The following ZNF407 variants were observed in gnomAD, a reference collection of about 807,000 sequenced individuals.
ZNF407 encodes the protein zinc finger protein 407.
In ZNF407, 17 loss-of-function variants were observed where a neutral mutation model predicts 131.2. That is an observed-to-expected ratio of 0.13 (90% CI 0.09 to 0.19). The LOEUF is 0.19. ZNF407 is among the 10% of genes least tolerant of loss of function. The probability of loss-of-function intolerance (pLI) is 1.00; values close to 1 mark genes in which losing one functional copy is unlikely to be tolerated. For missense variants in ZNF407, 2,681 were observed against 2,830.6 expected (o/e 0.95, Z 1.20); for synonymous variants, 1,156 against 1,062.0 (o/e 1.09, Z -1.72).
intron 8 of ZNF407, among the ~76,000 whole-genome samples, chr18:75,010,701 G>T (rs192375151): frequency 3.3e-5 from 5 of 152,240 alleles, no homozygotes; most frequent in Admixed American, 3.3e-4. Context: ...AACAACTCCT[G>T]CCGTTGTCTT....
At chr18:74,755,770 T>TTTCTTTCTTTCTTTCTTTCTTTCC (rs1968935432) in intron 3 of ZNF407, among the ~76,000 whole-genome samples, 1 of 129,956 alleles carries the variant, frequency 7.7e-6, no homozygotes, top group Admixed American at 7.4e-5. Context: ...TCTTTCTTTC[T>TTTCTTTCTTTCTTTCTTTCTTTCC]TTCTCTCTCT....
chr18:74,971,662 T>C lies in ZNF407; in HGVS notation c.5428+50970T>C, dbSNP rs148218897. Among the ~76,000 whole-genome samples, 227 of 152,330 alleles carry C rather than the reference T, an allele frequency of 1.5e-3. 1 individual carries two copies. The highest frequency in any genetic ancestry group is 5.2e-3 in the African/African-American group (216 of 41,576). On this transcript the variant is annotated intron_variant, in intron 8 of 8. Coordinates refer to ENST00000299687, the MANE Select transcript of ZNF407 (RefSeq NM_017757.3). ...GCTGTCAGCATTTTGGGCAAAGCCATTCAACAAGTCTCTAGGAAGTTCCAA... is the reference window on the plus strand; with the variant it reads ...GCTGTCAGCATTTTGGGCAAAGCCACTCAACAAGTCTCTAGGAAGTTCCAA...
intron 1 of ZNF407, among the ~76,000 whole-genome samples, chr18:74,613,799 C>T (rs999239356): frequency 6.6e-6 from 1 of 152,114 alleles, no homozygotes; most frequent in African/African-American, 2.4e-5. Flanking sequence ...TTTTCTCCCC[C>T]ATTAAACAAA....
At chr18:75,019,578 C>T (rs1342545088) in intron 8 of ZNF407, among the ~76,000 whole-genome samples, 4 of 152,256 alleles carry the variant, frequency 2.6e-5, no homozygotes, top group South Asian at 2.1e-4. Context: ...ACTCAGGGTG[C>T]GAATCATCCC....
At chr18:74,958,417 C>G (rs1244341067) in intron 8 of ZNF407, among the ~76,000 whole-genome samples, 1 of 152,216 alleles carries the variant, frequency 6.6e-6, no homozygotes, top group East Asian at 1.9e-4. Flanking sequence ...CACAGTGGGC[C>G]TGTCGAGGAG....
At chr18:74,776,388 A>C (rs1969472220) in intron 3 of ZNF407, among the ~76,000 whole-genome samples, 1 of 152,186 alleles carries the variant, frequency 6.6e-6, no homozygotes, top group Non-Finnish European at 1.5e-5. Context: ...CATTTTCTAA[A>C]TTGTTTCCTG....
At position 75,063,669 on chromosome 18, in the gene ZNF407, C is replaced by T. The variant is rs1384663058; in HGVS notation, c.5948C>T (p.Pro1983Leu). 4 of 1,609,218 alleles carry T rather than the reference C, an allele frequency of 2.5e-6. No homozygotes were observed. Among genetic ancestry groups the T allele is most frequent in the East Asian group, 2.2e-5 (1 of 44,694 alleles). Reference protein sequence around the residue: ...LNLSEAGVAPPEASSALDALL... With the variant: ...LNLSEAGVAPLEASSALDALL... Reference sequence around the variant, plus strand: ...CTCTCGGAGGCTGGAGTCGCTCCCCCCGAGGCATCCTCAGCCCTGGATGCA... The same window carrying T: ...CTCTCGGAGGCTGGAGTCGCTCCCCTCGAGGCATCCTCAGCCCTGGATGCA... Residue 1983 changes from proline (P) to leucine (L), a missense_variant, in exon 9 of 9, where the codon CCC (proline) becomes CTC (leucine). Around this residue, in one of 6 missense-constraint regions of ZNF407, gnomAD observed 620 missense variants for 583.1 expected, o/e 1.06. Transcript: ENST00000299687. This position sits in a 1 kb window ranked among gnomAD's most constrained non-coding sequence, Gnocchi z 6.6.
At chr18:74,667,647 T>C (rs977499042) in intron 3 of ZNF407, among the ~76,000 whole-genome samples, 1 of 152,194 alleles carries the variant, frequency 6.6e-6, no homozygotes, top group Non-Finnish European at 1.5e-5. Context: ...TTGTAGCTCA[T>C]TGAGGCCGGG....
intron 3 of ZNF407, among the ~76,000 whole-genome samples, chr18:74,770,867 C>G (rs1324517943): frequency 6.6e-6 from 1 of 152,104 alleles, no homozygotes; most frequent in Non-Finnish European, 1.5e-5. Context: ...AATGCCTATT[C>G]TCAGGAGAGG....
intron 8 of ZNF407, among the ~76,000 whole-genome samples, chr18:75,052,893 A>G (rs1973519099): frequency 6.6e-6 from 1 of 152,156 alleles, no homozygotes; most frequent in African/African-American, 2.4e-5. Flanking sequence ...GCTTGTTGCT[A>G]TGTGTGCCTG....
At chr18:74,727,343 A>G (rs769504347) in intron 3 of ZNF407, among the ~76,000 whole-genome samples, 5 of 152,114 alleles carry the variant, frequency 3.3e-5, no homozygotes, top group Non-Finnish European at 5.9e-5. Context: ...AAGAGAGTGA[A>G]GAGAGTTGAG....
chr18:75,047,536 A>AT lies in ZNF407; in HGVS notation c.5429-15605dup, dbSNP rs60804142. On this transcript the variant is annotated intron_variant, in intron 8 of 8. Coordinates refer to ENST00000299687, the MANE Select transcript of ZNF407 (RefSeq NM_017757.3). ...CTGTAATAGAGGCTTTTCCAAGAGG[A>AT]TTTTTTTTTCCCTTCACTTTCTGTG... 1.4e-4 allele frequency among the ~76,000 whole-genome samples: 21 copies of AT among 151,494 alleles called. No individual in the cohort carries two copies. In the East Asian group the frequency reaches 1.6e-3, roughly 11 times the overall value.
At chr18:74,791,816 T>C (rs1401933243) in intron 4 of ZNF407, among the ~76,000 whole-genome samples, 1 of 152,222 alleles carries the variant, frequency 6.6e-6, no homozygotes, top group Non-Finnish European at 1.5e-5. Flanking sequence ...TGGTCTCAGC[T>C]TCTCTTTCCT....
At chr18:74,913,678 T>C (rs17055919) in intron 7 of ZNF407, among the ~76,000 whole-genome samples, 21,019 of 152,222 alleles carry the variant, frequency 0.14, 1,593 homozygotes, top group Middle Eastern at 0.24. Flanking sequence ...ACTTCTGTCA[T>C]ATCCATTATT....
intron 8 of ZNF407, among the ~76,000 whole-genome samples, chr18:75,054,159 A>G (rs929486975): frequency 6.6e-6 from 1 of 152,234 alleles, no homozygotes; most frequent in Non-Finnish European, 1.5e-5. Flanking sequence ...AGAAATCCGC[A>G]TTGTTTCAAG....
At chr18:74,605,451 C>T (rs904483913) in intron 1 of ZNF407, among the ~76,000 whole-genome samples, 3 of 152,126 alleles carry the variant, frequency 2.0e-5, no homozygotes, top group Non-Finnish European at 4.4e-5. Flanking sequence ...CAAAGCCAGC[C>T]CTCACTCTGT....
At chr18:74,629,583 C>T (rs899397827) in intron 1 of ZNF407, among the ~76,000 whole-genome samples, 2 of 151,836 alleles carry the variant, frequency 1.3e-5, no homozygotes, top group South Asian at 2.1e-4. Context: ...GTTTTTTTCT[C>T]GTATTGTTCG....
chr18:74,979,177 CCT>C (rs1204325829), intron 8 of ZNF407, among the ~76,000 whole-genome samples: 5 of 152,134 alleles, frequency 3.3e-5, no homozygotes, highest in African/African-American at 1.2e-4. Flanking sequence ...TTCCTACACA[CCT>C]CTGTAGAGTC....
At chr18:75,005,709 C>A (rs1237115642) in intron 8 of ZNF407, among the ~76,000 whole-genome samples, 1 of 72,132 alleles carries the variant, frequency 1.4e-5, no homozygotes, top group Non-Finnish European at 2.7e-5. Flanking sequence ...ACCCCCCCCA[C>A]CCACCCCCCG....
Sources: gnomAD v4.1 joint callset for allele counts (sites outside exome capture counted in the v4.1 genomes callset) on GRCh38, gnomAD v4.1.1 for gene constraint, gnomAD v4.1.1 regional missense constraint, Gnocchi (gnomAD v3.1) non-coding constraint, MANE v1.5 for transcripts, NCBI Gene and HGNC (gene_info 2026-07-23, HGNC 2026-07-21) for gene names.